RWDD1: variants seen among roughly 807,000 people sequenced by gnomAD.
RWDD1 encodes the protein RWD domain containing 1.
Under a neutral mutation model 31.6 loss-of-function variants are expected in RWDD1, and 17 were observed. That is an observed-to-expected ratio of 0.54 (90% CI 0.37 to 0.81). The LOEUF (loss-of-function observed/expected upper bound fraction) is 0.81. Ranked by LOEUF, RWDD1 falls within the 30% of genes least tolerant of loss-of-function variation. The pLI, the probability that RWDD1 is intolerant of heterozygous loss-of-function variation, is 0.00. For synonymous variants in RWDD1, 78 were observed against 94.2 expected (o/e 0.83, Z 0.99); for missense variants, 204 against 274.5 (o/e 0.74, Z 1.82).
chr6:116,583,760 G>A (rs1365952921), intron 2 of RWDD1, among the ~76,000 whole-genome samples: 1 of 152,076 alleles, frequency 6.6e-6, no homozygotes, highest in African/African-American at 2.4e-5. Context: ...AATAAAAGAA[G>A]AAAGGAAAAT....
At chr6:116,590,187 A>G (rs1486465528) in intron 4 of RWDD1, 85 bp from the exon 5 acceptor site, 1 of 671,880 alleles carries the variant, frequency 1.5e-6, no homozygotes, top group Non-Finnish European at 2.4e-6. Flanking sequence ...ATAAGGGGTT[A>G]TATTGATATG....
At chr6:116,573,646 T>C (rs1275928605) in intron 1 of RWDD1, among the ~76,000 whole-genome samples, 1 of 152,198 alleles carries the variant, frequency 6.6e-6, no homozygotes, top group African/African-American at 2.4e-5. Context: ...TTTATAGCCT[T>C]CTTTTGTATT....
At chr6:116,579,935 G>C (rs188014508) in intron 1 of RWDD1, among the ~76,000 whole-genome samples, 97 of 152,250 alleles carry the variant, frequency 6.4e-4, no homozygotes, top group African/African-American at 2.2e-3. Flanking sequence ...GGTAGTTTCA[G>C]GTGAGAAACA....
At chr6:116,584,926 A>C in intron 3 of RWDD1, 69 bp downstream of exon 3, 1 of 1,254,136 alleles carries the variant, frequency 8.0e-7, no homozygotes, top group South Asian at 1.3e-5. Context: ...ATTAATTTCA[A>C]GAGTTAGAAA....
intron 1 of RWDD1, chr6:116,572,953 A>C (rs1006043469): frequency 3.2e-5 from 32 of 985,402 alleles, no homozygotes; most frequent in Non-Finnish European, 3.9e-5. Context: ...TAAGGGGATG[A>C]GTGAAGAGGG....
Position 116,593,105 on chromosome 6 carries a change from A to G in RWDD1, c.*4A>G. 1 of 1,613,036 alleles carries G rather than the reference A, an allele frequency of 6.2e-7. No homozygotes were observed. The highest frequency in any genetic ancestry group is 1.3e-5 in the African/African-American group (1 of 74,918). ...AGAGAGTGACTCAGCTGACTAATGG[A>G]CTGTCCCCATCTGCAGAGAGGCTTG... On this transcript the variant is annotated 3_prime_UTR_variant, in exon 7 of 7. Coordinates refer to ENST00000466444, the MANE Select transcript of RWDD1 (RefSeq NM_015952.4).
rs1775087479 is a variant in RWDD1 at position 116,588,906 on chromosome 6, A to G, written c.335A>G (p.Asn112Ser). Reference protein sequence around the residue: ...TLVTAVQEKLNEIVDQIKTRR... With the variant: ...TLVTAVQEKLSEIVDQIKTRR... ...GTGACAGCTGTGCAAGAAAAATTAA[A>G]TGAAATAGTAGATCAGATAAAAACT... is the stretch of plus-strand genomic sequence containing the variant. The change falls in exon 4 of 7, where the codon AAT (asparagine) becomes AGT (serine). Residue 112 changes from asparagine to serine, a missense_variant. Transcript: ENST00000466444. The G allele has an allele frequency of 6.6e-7, 1 of 1,507,118 alleles. No individual in the cohort carries two copies. Among genetic ancestry groups the G allele is most frequent in the Non-Finnish European group, 8.8e-7 (1 of 1,130,112 alleles). The allele number at this position is 1,507,118 out of a possible 1,614,324, so 93.4% of individuals were successfully genotyped here.
At chr6:116,592,881 T>C (rs1315749549) in intron 6 of RWDD1, 99 bp from the exon 7 acceptor site, 4 of 1,330,722 alleles carry the variant, frequency 3.0e-6, no homozygotes, top group Non-Finnish European at 3.1e-6. Context: ...CATATGCAGA[T>C]TTGGAGATTT....
At chr6:116,591,145 A>AT in intron 6 of RWDD1, among the ~76,000 whole-genome samples, 195 bp downstream of exon 6, 1 of 152,074 alleles carries the variant, frequency 6.6e-6, no homozygotes, top group East Asian at 1.9e-4. Context: ...AGTCTCTTTA[A>AT]TTTTGAACCA....
chr6:116,573,331 C>T (rs999115901), intron 1 of RWDD1, among the ~76,000 whole-genome samples: 17 of 152,166 alleles, frequency 1.1e-4, no homozygotes, highest in African/African-American at 3.9e-4. Flanking sequence ...AAATTCTTAT[C>T]AGATGCCCAA....
chr6:116,586,292 C>T (rs535182356), intron 3 of RWDD1, among the ~76,000 whole-genome samples: 1 of 151,434 alleles, frequency 6.6e-6, no homozygotes, highest in African/African-American at 2.4e-5. Context: ...TTAATTGTAC[C>T]AACTATGTAT....
intron 1 of RWDD1, chr6:116,572,886 G>T (rs1774768763): frequency 2.0e-6 from 2 of 985,296 alleles, no homozygotes; most frequent in Non-Finnish European, 2.4e-6. Context: ...TCCCTGTATA[G>T]CTCCAGTCCT....
In RWDD1 at chr6:116,576,298, A is replaced by G. The variant is rs1369163512; in HGVS notation, c.74-3997A>G. On this transcript the variant is annotated intron_variant, in intron 1 of 6. Coordinates refer to ENST00000466444, the MANE Select transcript of RWDD1 (RefSeq NM_015952.4). Reference sequence around the variant, plus strand: ...CATCTTAGTTGTTGATTTTTCCACTAATATGGCTTCATAATTTCTTGTCTC... The same window carrying G: ...CATCTTAGTTGTTGATTTTTCCACTGATATGGCTTCATAATTTCTTGTCTC... 6.6e-5 allele frequency among the ~76,000 whole-genome samples: 10 copies of G among 152,244 alleles called. No homozygotes were observed. The East Asian group carries it at 1.7e-3, about 26-fold the overall frequency.
chr6:116,580,145 C>T (rs1181255628), intron 1 of RWDD1, 150 bp from the exon 2 acceptor site: 1 of 397,182 alleles, frequency 2.5e-6, no homozygotes, highest in African/African-American at 2.1e-5. Context: ...GTAATTTTAT[C>T]ATTTCAGTGT....
chr6:116,593,213 T>C lies in RWDD1; in HGVS notation c.*112T>C, dbSNP rs1246138220. Reference sequence around the variant, plus strand: ...TAAGAAAAAATTATTTTCAGGAGAATATTCTTCTGATAGCTTTCATCATTG... The same window carrying C: ...TAAGAAAAAATTATTTTCAGGAGAACATTCTTCTGATAGCTTTCATCATTG... On this transcript the variant is annotated 3_prime_UTR_variant, in exon 7 of 7. Transcript: ENST00000466444. 9.4e-7 allele frequency: 1 copy of C among 1,063,900 alleles called. No individual in the cohort carries two copies. The highest frequency in any genetic ancestry group is 1.6e-5 in the African/African-American group (1 of 61,406). 65.9% of individuals were successfully genotyped at this position (1,063,900 alleles called of 1,614,324 possible). A position where few individuals can be genotyped will look rare whatever the true frequency, so the allele number is the denominator to read the frequency against.
In RWDD1 at chr6:116,597,433, G is replaced by T. The variant is rs902044997; in HGVS notation, c.*4332G>T. The T allele has an allele frequency of 6.6e-6, 1 of 152,046 alleles. No homozygotes were observed. The highest frequency in any genetic ancestry group is 2.4e-5 in the African/African-American group (1 of 41,366). 9.4% of individuals were successfully genotyped at this position (152,046 alleles called of 1,614,324 possible). On this transcript the variant is annotated 3_prime_UTR_variant, in exon 7 of 7. Transcript: ENST00000466444. ...ATTGCCTATCTCTGCCTTTGCAGCT[G>T]TTCTCCTTTAAAGAGTAGTCTCCAT...
rs1774929398 is a variant in RWDD1, at chr6:116,580,480, A to G, written c.139+120A>G. The G allele has an allele frequency of 7.5e-6, 4 of 532,948 alleles. No homozygotes were observed. The Admixed American group carries it at 1.3e-4, about 17-fold the overall frequency. The allele number at this position is 532,948 out of a possible 1,614,324, so 33.0% of individuals were successfully genotyped here. ...GCTAAGGGGCTGTTACGAATCTGCT[A>G]TGAATGTTGTATATTTCTAGTCAGA... On this transcript the variant is annotated intron_variant, in intron 2 of 6. Transcript: ENST00000466444.
intron 5 of RWDD1, 39 bp downstream of exon 5, chr6:116,590,443 C>T: frequency 2.6e-6 from 4 of 1,514,604 alleles, no homozygotes; most frequent in Non-Finnish European, 3.5e-6. Context: ...CCTAAACCCT[C>T]CTGTATCATT....
At chr6:116,585,161 T>C (rs1331392937) in intron 3 of RWDD1, among the ~76,000 whole-genome samples, 1 of 152,172 alleles carries the variant, frequency 6.6e-6, no homozygotes, top group Non-Finnish European at 1.5e-5. Context: ...GATTTGGTTT[T>C]TAGAATGCCT....
Sources: gnomAD v4.1 joint callset for allele counts (sites outside exome capture counted in the v4.1 genomes callset) on GRCh38, gnomAD v4.1.1 for gene constraint, MANE v1.5 for transcripts, NCBI Gene and HGNC (gene_info 2026-07-23, HGNC 2026-07-21) for gene names.